The following SLC29A3 variants were observed in gnomAD, a reference collection of about 807,000 sequenced individuals.
The protein encoded by SLC29A3 is equilibrative nucleoside transporter 3.
A neutral mutation model predicts 25.4 loss-of-function variants in SLC29A3; 18 were observed. The ratio of observed to expected loss-of-function variants is 0.71; its 90% CI spans 0.49 to 1.05. The LOEUF is 1.05. Ranked by LOEUF, SLC29A3 falls within the 50% of genes least tolerant of loss-of-function variation. The probability of loss-of-function intolerance (pLI) is 0.00; values close to 1 mark genes in which losing one functional copy is unlikely to be tolerated. For missense variants in SLC29A3, 586 were observed against 609.0 expected, an observed-to-expected ratio of 0.96 and a Z score of 0.40; for synonymous variants, 258 against 267.1, an observed-to-expected ratio of 0.97 and a Z score of 0.33.
Position 71,351,728 on chromosome 10 carries a change from A to G in SLC29A3, c.550A>G (p.Ser184Gly). ...ILSGASTVFS[S>G]SIYGMTGSFP... ...CAGCGGTGCCTCCACTGTCTTCAGC[A>G]GCAGCATCTACGGCATGACCGGCTC... Residue 184 changes from serine (S) to glycine (G), a missense_variant, in exon 4 of 6, where the codon AGC (serine) becomes GGC (glycine). Transcript: ENST00000373189. 6.2e-7 allele frequency: 1 copy of G among 1,614,186 alleles called. No individual in the cohort carries two copies. The highest frequency in any genetic ancestry group is 8.5e-7 in the Non-Finnish European group (1 of 1,180,032).
chr10:71,366,545 G>A (rs115209688), downstream of SLC29A3, among the ~76,000 whole-genome samples: 540 of 152,262 alleles, frequency 3.5e-3, 5 homozygotes, highest in African/African-American at 0.013. Context: ...TGGGTGACAG[G>A]GATTTCTGAG....
At chr10:71,366,899 G>A (rs966732244), downstream of SLC29A3, among the ~76,000 whole-genome samples, 9 of 152,194 alleles carry the variant, frequency 5.9e-5, no homozygotes, top group African/African-American at 2.2e-4. Context: ...TGGCAGCATT[G>A]TCAGTGCCAG....
intron 4 of SLC29A3, among the ~76,000 whole-genome samples, chr10:71,376,518 G>A (rs1257539028): frequency 6.6e-6 from 1 of 152,150 alleles, no homozygotes; most frequent in South Asian, 2.1e-4. Flanking sequence ...TTTATCAGGG[G>A]TAGGAAGTAA....
intron 3 of SLC29A3, among the ~76,000 whole-genome samples, chr10:71,371,820 T>G (rs1847213517): frequency 1.3e-5 from 2 of 152,250 alleles, no homozygotes; most frequent in South Asian, 4.1e-4. Flanking sequence ...GCTAAATGAT[T>G]ACTTCTCCTC....
intron 2 of SLC29A3, among the ~76,000 whole-genome samples, chr10:71,327,800 C>A (rs1208793122): frequency 2.7e-5 from 4 of 147,198 alleles, no homozygotes; most frequent in East Asian, 2.0e-4. Context: ...CAGCCTGAAA[C>A]CCCAGGTGCC....
intron 2 of SLC29A3, among the ~76,000 whole-genome samples, chr10:71,331,014 G>A (rs1846105806): frequency 6.6e-6 from 1 of 152,080 alleles, no homozygotes; most frequent in Admixed American, 6.5e-5. Context: ...AGGTATCCGT[G>A]ATCTTAACCC....
At chr10:71,344,328 T>TGGTCTCCTGCCTC (rs1482711780) in intron 3 of SLC29A3, 37 bp downstream of exon 3, 31 of 1,514,754 alleles carry the variant, frequency 2.0e-5, no homozygotes, top group Non-Finnish European at 2.8e-5. Flanking sequence ...GCCTCTGCCT[T>TGGTCTCCTGCCTC]GGTCTCCTGC....
chr10:71,350,460 A>C (rs1041899476), intron 3 of SLC29A3, among the ~76,000 whole-genome samples: 1 of 152,078 alleles, frequency 6.6e-6, no homozygotes, highest in Non-Finnish European at 1.5e-5. Flanking sequence ...CTACACATCC[A>C]ATCCGGTTTA....
chr10:71,359,848 A>C (rs2131848721), intron 5 of SLC29A3, among the ~76,000 whole-genome samples: 1 of 152,336 alleles, frequency 6.6e-6, no homozygotes, highest in South Asian at 2.1e-4. Flanking sequence ...AGCTGCATTA[A>C]TACAGTCAGC....
intron 2 of SLC29A3, among the ~76,000 whole-genome samples, chr10:71,331,345 T>A (rs754017016): frequency 6.6e-6 from 1 of 151,972 alleles, no homozygotes; most frequent in Non-Finnish European, 1.5e-5. Context: ...GAATTTTGCT[T>A]TAAATGGGAG....
rs750114546 is a variant in SLC29A3, at chr10:71,344,236, G to A, written c.328G>A (p.Ala110Thr). The stretch of plus-strand genomic sequence containing the variant: ...CTACTTTGAGAGCTACCTTGCCGTT[G>A]CCTCCACCGTGCCCTCCATGCTGTG... Reference protein sequence around the residue: ...LNYFESYLAVASTVPSMLCLV... With the variant: ...LNYFESYLAVTSTVPSMLCLV... Residue 110 changes from alanine to threonine, a missense_variant, in exon 3 of 6, where the codon GCC (alanine) becomes ACC (threonine). Coordinates refer to ENST00000373189, the MANE Select transcript of SLC29A3 (RefSeq NM_018344.6). The A allele has an allele frequency of 3.7e-6, 6 of 1,614,020 alleles. No homozygotes were observed. The highest frequency in any genetic ancestry group is 5.1e-6 in the Non-Finnish European group (6 of 1,180,032).
At chr10:71,347,160 C>T (rs1846612456) in intron 3 of SLC29A3, among the ~76,000 whole-genome samples, 1 of 152,154 alleles carries the variant, frequency 6.6e-6, no homozygotes, top group Non-Finnish European at 1.5e-5. Flanking sequence ...CTCCTTTTCT[C>T]CCCTCCTGGA....
rs1846892917 is a variant in SLC29A3 at position 71,355,934 on chromosome 10, TG to T, written c.611-146del. 3 of 864,932 alleles carry T rather than the reference TG, an allele frequency of 3.5e-6. No homozygotes were observed. In the African/African-American group the frequency reaches 5.0e-5, roughly 14 times the overall value. 53.6% of individuals were successfully genotyped at this position (864,932 alleles called of 1,614,324 possible). A position where few individuals can be genotyped will look rare whatever the true frequency, so the allele number is the denominator to read the frequency against. On this transcript the variant is annotated intron_variant, in intron 4 of 5. Coordinates refer to ENST00000373189, the MANE Select transcript of SLC29A3 (RefSeq NM_018344.6). ...TTGGCTGCTGGGCCCTCCCTGTCTCTGAGGCTTCAGGACACTGAGAGAGCTT... is the reference window on the plus strand; with the variant it reads ...TTGGCTGCTGGGCCCTCCCTGTCTCTAGGCTTCAGGACACTGAGAGAGCTT...
intron 2 of SLC29A3, among the ~76,000 whole-genome samples, chr10:71,339,818 A>G (rs936099319): frequency 7.2e-5 from 11 of 152,056 alleles, no homozygotes; most frequent in African/African-American, 2.7e-4. Context: ...GCTGCCGTCC[A>G]AGATGGCCCT....
chr10:71,339,303 TTA>T (rs1426173351), intron 2 of SLC29A3, among the ~76,000 whole-genome samples: 1 of 152,176 alleles, frequency 6.6e-6, no homozygotes. Context: ...CCCACCTGGG[TTA>T]ACTGACTTTG....
chr10:71,340,634 A>G (rs1846378045), intron 2 of SLC29A3, among the ~76,000 whole-genome samples: 1 of 152,214 alleles, frequency 6.6e-6, no homozygotes, highest in East Asian at 1.9e-4. Flanking sequence ...AGATGGATGG[A>G]TTGCTTTGGG....
At chr10:71,369,188 C>T (rs1237933582) in intron 3 of SLC29A3, among the ~76,000 whole-genome samples, 1 of 152,212 alleles carries the variant, frequency 6.6e-6, no homozygotes, top group Non-Finnish European at 1.5e-5. Context: ...TCTGCTGCAA[C>T]CTTGATCTTG....
At chr10:71,355,147 C>T (rs542061090) in intron 4 of SLC29A3, among the ~76,000 whole-genome samples, 4 of 152,350 alleles carry the variant, frequency 2.6e-5, no homozygotes, top group Non-Finnish European at 4.4e-5. Flanking sequence ...AAGCAACACA[C>T]AGGGCAGGGG....
exon 5 of SLC29A3, chr10:71,381,243 A>G (rs1488466408): frequency 6.6e-6 from 1 of 152,160 alleles, no homozygotes; most frequent in East Asian, 1.9e-4. Context: ...TACTGTATCA[A>G]ATGCTCTGCT....
Sources: allele counts gnomAD v4.1 joint callset (sites outside exome capture counted in the v4.1 genomes callset), GRCh38; gene constraint gnomAD v4.1.1; transcripts MANE v1.5; gene names NCBI Gene and HGNC (gene_info 2026-07-23, HGNC 2026-07-21).